The following SLC9A8 variants were observed in gnomAD, a reference collection of about 807,000 sequenced individuals.
SLC9A8 encodes the protein sodium/hydrogen exchanger 8.
A neutral mutation model predicts 66.6 loss-of-function variants in SLC9A8; 48 were observed. The ratio of observed to expected loss-of-function variants is 0.72; its 90% CI spans 0.57 to 0.92. SLC9A8 has a LOEUF of 0.92. SLC9A8 is among the 40% of genes least tolerant of loss of function. SLC9A8 has a pLI of 0.00. For synonymous variants in SLC9A8, 274 were observed against 282.6 expected, an observed-to-expected ratio of 0.97 and a Z score of 0.31; for missense variants, 599 against 747.3, an observed-to-expected ratio of 0.80 and a Z score of 2.31.
chr20:49,867,573 G>A (rs2089027216), intron 10 of SLC9A8, among the ~76,000 whole-genome samples: 1 of 152,164 alleles, frequency 6.6e-6, no homozygotes, highest in South Asian at 2.1e-4. Flanking sequence ...GGACTTTACA[G>A]TAGATGTCCA....
rs1248104277 is a variant in SLC9A8, at chr20:49,849,572, C to G, written c.433-7C>G. On this transcript the variant is annotated splice_polypyrimidine_tract_variant and splice_region_variant and intron_variant, in intron 5 of 15. Transcript: ENST00000361573. ...ATCATTTCCCTGATTTCTGCTCTTT[C>G]AAACAGGGTAACTTCTTTCAAAATA... The G allele has an allele frequency of 6.2e-7, 1 of 1,607,202 alleles. No individual in the cohort carries two copies.
intron 2 of SLC9A8, among the ~76,000 whole-genome samples, chr20:49,818,441 C>A (rs534508924): frequency 6.7e-6 from 1 of 149,450 alleles, no homozygotes; most frequent in South Asian, 2.1e-4. Flanking sequence ...TTGCCTGTTG[C>A]ATGTTATTTT....
At chr20:49,861,731 T>A (rs146841198) in intron 8 of SLC9A8, among the ~76,000 whole-genome samples, 139 of 152,298 alleles carry the variant, frequency 9.1e-4, no homozygotes, top group Middle Eastern at 3.4e-3. Flanking sequence ...TCGATGTTCA[T>A]GGTGTAATGG....
chr20:49,820,726 A>T (rs145903123), intron 2 of SLC9A8, among the ~76,000 whole-genome samples: 1 of 151,740 alleles, frequency 6.6e-6, no homozygotes, highest in Admixed American at 6.6e-5. Context: ...TTGTATTTTT[A>T]GTAGAGACGG....
In SLC9A8 at chr20:49,891,892, G is replaced by A. The variant is rs1568898399; in HGVS notation, c.*3956G>A. ...ATGACGAAGCTTGAATTGTCCTCAA[G>A]ATGGATGTGAATCTTACATTCCTTT... On this transcript the variant is annotated 3_prime_UTR_variant, in exon 16 of 16. Coordinates refer to ENST00000361573, the MANE Select transcript of SLC9A8 (RefSeq NM_015266.3). The A allele has an allele frequency of 6.6e-6, 1 of 152,260 alleles. No individual in the cohort carries two copies. The highest frequency in any genetic ancestry group is 1.5e-5 in the Non-Finnish European group (1 of 68,058). 9.4% of individuals were successfully genotyped at this position (152,260 alleles called of 1,614,324 possible). A position where few individuals can be genotyped will look rare whatever the true frequency, so the allele number is the denominator to read the frequency against.
chr20:49,813,260 C>T (rs1215366606), intron 1 of SLC9A8, among the ~76,000 whole-genome samples: 3 of 152,250 alleles, frequency 2.0e-5, no homozygotes, highest in Non-Finnish European at 2.9e-5. Flanking sequence ...TTACTGAGCC[C>T]TCTTCCGCCT....
chr20:49,851,023 G>C (rs532237), intron 7 of SLC9A8, among the ~76,000 whole-genome samples, 179 bp downstream of exon 7: 122,347 of 152,152 alleles, frequency 0.8, 49,207 homozygotes, highest in East Asian at 0.84. Flanking sequence ...TGAATCAAAA[G>C]TATCCTAAAG....
At position 49,834,403 on chromosome 20, in the gene SLC9A8, GTGTATATATATATACTGTATATATATAC is replaced by G. The variant is rs1568813836; in HGVS notation, c.290-5123_290-5096del. Among the ~76,000 whole-genome samples the G allele has an allele frequency of 2.5e-4, 11 of 44,556 alleles. 1 individual carries two copies. The highest frequency in any genetic ancestry group is 1.2e-3 in the African/African-American group (9 of 7,770). 29.2% of individuals were successfully genotyped at this position (44,556 alleles called of 152,430 possible). ...TATATACTGTGTATATATATATACT[GTGTATATATATATACTGTATATATATAC>G]TGTATATATATATATATACTGTATA... On this transcript the variant is annotated intron_variant, in intron 3 of 15. Coordinates refer to ENST00000361573, the MANE Select transcript of SLC9A8 (RefSeq NM_015266.3).
chr20:49,831,810 G>A (rs1422994082), intron 3 of SLC9A8, among the ~76,000 whole-genome samples: 2 of 152,202 alleles, frequency 1.3e-5, no homozygotes, highest in Non-Finnish European at 2.9e-5. Context: ...AGAGTCCTGC[G>A]AAAATGAGGC....
At position 49,817,172 on chromosome 20, in the gene SLC9A8, C is replaced by T. The variant is rs565459550; in HGVS notation, c.208+1983C>T. Among the ~76,000 whole-genome samples, 589 of 151,652 alleles carry T rather than the reference C, an allele frequency of 3.9e-3. 6 individuals carry two copies. The highest frequency in any genetic ancestry group is 0.014 in the African/African-American group (566 of 41,384). The stretch of plus-strand genomic sequence containing the variant: ...CTACTAAAAATACAAAAAATTTTAG[C>T]CAGACGTGGTGGCGGGCACCTGTAA... On this transcript the variant is annotated intron_variant, in intron 2 of 15. Transcript: ENST00000361573.
chr20:49,812,926 G>T lies in SLC9A8; in HGVS notation c.4G>T (p.Gly2Trp). The change falls in exon 1 of 16, where the codon GGG becomes TGG. Residue 2 changes from glycine to tryptophan, a missense_variant. Coordinates refer to ENST00000361573, the MANE Select transcript of SLC9A8 (RefSeq NM_015266.3). M[G>W]EKMAEEERFP... The stretch of plus-strand genomic sequence containing the variant: ...GTGGTCCTGGAAGCTCCGCAGGATG[G>T]GGGAGAAGATGGCGGAAGAGGAGTG... The T allele has an allele frequency of 1.3e-6, 2 of 1,483,244 alleles. No individual in the cohort carries two copies. Among genetic ancestry groups the T allele is most frequent in the Non-Finnish European group, 8.9e-7 (1 of 1,117,808 alleles). 91.9% of individuals were successfully genotyped at this position (1,483,244 alleles called of 1,614,324 possible).
At chr20:49,814,846 C>T (rs1005610855) in intron 1 of SLC9A8, among the ~76,000 whole-genome samples, 162 bp from the exon 2 acceptor site, 1 of 152,150 alleles carries the variant, frequency 6.6e-6, no homozygotes, top group African/African-American at 2.4e-5. Flanking sequence ...TTGTGCTGTG[C>T]AGGCAGGGAT....
intron 3 of SLC9A8, among the ~76,000 whole-genome samples, chr20:49,826,117 C>G (rs994807169): frequency 2.0e-5 from 3 of 152,214 alleles, no homozygotes; most frequent in Non-Finnish European, 4.4e-5. Flanking sequence ...TCAATGCTTA[C>G]TTGCTAACTC....
chr20:49,855,171 C>A (rs1174306157), intron 7 of SLC9A8, among the ~76,000 whole-genome samples: 2 of 152,198 alleles, frequency 1.3e-5, no homozygotes, highest in African/African-American at 4.8e-5. Flanking sequence ...AAGCAAAAGT[C>A]TCCCTTCCAT....
chr20:49,860,844 G>C (rs2088701179), intron 8 of SLC9A8, among the ~76,000 whole-genome samples: 1 of 152,190 alleles, frequency 6.6e-6, no homozygotes, highest in African/African-American at 2.4e-5. Context: ...ACTGTCTTTT[G>C]TGTGGGAGGC....
In SLC9A8 at chr20:49,884,280, C is replaced by CACACACACG. The variant is rs1479254762; in HGVS notation, c.1491+223_1491+231dup. 4.1e-3 allele frequency: 957 copies of CACACACACG among 233,280 alleles called. 192 individuals are homozygous for CACACACACG. Among genetic ancestry groups the CACACACACG allele is most frequent in the East Asian group, 0.04 (352 of 8,840 alleles). 14.5% of individuals were successfully genotyped at this position (233,280 alleles called of 1,614,324 possible). ...ACACGACACACACACACACGACACA[C>CACACACACG]ACACACACGACACACACACACACAC... On this transcript the variant is annotated intron_variant, in intron 14 of 15. Transcript: ENST00000361573.
At chr20:49,830,000 A>C in intron 3 of SLC9A8, 1 of 631,640 alleles carries the variant, frequency 1.6e-6, no homozygotes, top group South Asian at 1.4e-5. Context: ...CGGTACCTTG[A>C]AGTGGATGAT....
In SLC9A8 at chr20:49,845,052, G is replaced by C; in HGVS notation, c.365G>C (p.Arg122Pro). 6.2e-7 allele frequency: 1 copy of C among 1,611,990 alleles called. No individual in the cohort carries two copies. The highest frequency in any genetic ancestry group is 1.1e-5 in the South Asian group (1 of 91,038). The change falls in exon 5 of 16, where the codon CGT (arginine) becomes CCT (proline). Residue 122 changes from arginine (R) to proline (P), a missense_variant. Coordinates refer to ENST00000361573, the MANE Select transcript of SLC9A8 (RefSeq NM_015266.3). ...TATTTACAGGAAGAAGAAATGTTTCGTCCAAACATGTTTTTCCTCCTCCTG... is the reference window on the plus strand; with the variant it reads ...TATTTACAGGAAGAAGAAATGTTTCCTCCAAACATGTTTTTCCTCCTCCTG... ...LANWKEEEMF[R>P]PNMFFLLLLP...
rs750441007 is a variant in SLC9A8, at chr20:49,862,879, C to G, written c.714-50C>G. The G allele has an allele frequency of 1.8e-5, 25 of 1,414,494 alleles. No homozygotes were observed. In the South Asian group the frequency reaches 2.9e-4, roughly 16 times the overall value. 87.6% of individuals were successfully genotyped at this position (1,414,494 alleles called of 1,614,324 possible). Reference sequence around the variant, plus strand: ...AATGTTTTAAGTTAATTTCTAAGAACTTTGTGTATATAACATTTTAATTTA... The same window carrying G: ...AATGTTTTAAGTTAATTTCTAAGAAGTTTGTGTATATAACATTTTAATTTA... On this transcript the variant is annotated intron_variant, in intron 8 of 15. Transcript: ENST00000361573.
Sources: allele counts gnomAD v4.1 joint callset (sites outside exome capture counted in the v4.1 genomes callset), GRCh38; gene constraint gnomAD v4.1.1; transcripts MANE v1.5; gene names NCBI Gene and HGNC (gene_info 2026-07-23, HGNC 2026-07-21).